Variants in ERICH3 observed in about 807,000 individuals in gnomAD.
The protein encoded by ERICH3 is glutamate-rich protein 3.
ERICH3 carries 126 observed loss-of-function variants against 131.1 expected under a neutral mutation model. The ratio of observed to expected loss-of-function variants is 0.96; its 90% confidence interval spans 0.83 to 1.11. ERICH3 has a LOEUF of 1.11. Among genes scored for constraint, ERICH3 ranks in the 50% most tolerant of loss-of-function variants. The pLI, the probability that ERICH3 is intolerant of heterozygous loss-of-function variation, is 0.00. For synonymous variants in ERICH3, 695 were observed against 644.6 expected, an observed-to-expected ratio of 1.08 and a Z score of -1.18; for missense variants, 2,050 against 1,810.7, an observed-to-expected ratio of 1.13 and a Z score of -2.40.
intron 12 of ERICH3, chr1:74,578,726 C>T (rs1410731765): frequency 2.7e-5 from 4 of 149,022 alleles, no homozygotes; most frequent in Non-Finnish European, 5.9e-5. Context: ...CCTTCCTCCT[C>T]CCCCGATATT....
At position 74,572,055 on chromosome 1, in the gene ERICH3, G is replaced by C; in HGVS notation, c.3655C>G (p.Pro1219Ala). ...RQDGEGALAA[P>A]EAEPAGKVQA... ...ACCTTTCCTGCTGGCTCAGCTTCAGGAGCTGCTAAGGCCCCCTCTCCATCT... is the reference window on the plus strand; with the variant it reads ...ACCTTTCCTGCTGGCTCAGCTTCAGCAGCTGCTAAGGCCCCCTCTCCATCT... Residue 1219 changes from proline (P) to alanine (A), a missense_variant, in exon 14 of 15, where the codon CCT (proline) becomes GCT (alanine). Coordinates refer to ENST00000326665, the MANE Select transcript of ERICH3 (RefSeq NM_001002912.5). The C allele has an allele frequency of 6.2e-7, 1 of 1,614,154 alleles. No homozygotes were observed. The highest frequency in any genetic ancestry group is 8.5e-7 in the Non-Finnish European group (1 of 1,180,034).
rs1224045753 is a variant in ERICH3 at position 74,587,417 on chromosome 1, C to T, written c.2176+2214G>A. ...TGAATCCACCTTAATAAAAAGATAA[C>T]AAAATGTTTTAAAATTATAGATGTT... On this transcript the variant is annotated intron_variant, in intron 12 of 14. Coordinates refer to ENST00000326665, the MANE Select transcript of ERICH3 (RefSeq NM_001002912.5). Among the ~76,000 whole-genome samples the T allele has an allele frequency of 3.4e-5, 5 of 147,396 alleles. No homozygotes were observed. The East Asian group carries it at 1.0e-3, about 30-fold the overall frequency.
At chr1:74,584,369 C>T (rs1449329275) in intron 12 of ERICH3, among the ~76,000 whole-genome samples, 1 of 152,212 alleles carries the variant, frequency 6.6e-6, no homozygotes, top group South Asian at 2.1e-4. Flanking sequence ...TAAATTCCTC[C>T]CCATGACCTA....
chr1:74,649,699 C>G (rs1196435504), intron 1 of ERICH3, among the ~76,000 whole-genome samples: 1 of 152,156 alleles, frequency 6.6e-6, no homozygotes, highest in Non-Finnish European at 1.5e-5. Context: ...TCAGCAGATT[C>G]TTCCAGCGTC....
At position 74,572,090 on chromosome 1, in the gene ERICH3, C is replaced by A; in HGVS notation, c.3620G>T (p.Gly1207Val). 3 of 1,614,222 alleles carry A rather than the reference C, an allele frequency of 1.9e-6. No homozygotes were observed. The highest frequency in any genetic ancestry group is 2.5e-6 in the Non-Finnish European group (3 of 1,180,034). ...GGCCCCCTCTCCATCTTGGCGGTGC[C>A]CTTCCTTCAGGGCCCTATTCTCCCT... ...SSRENRALKE[G>V]HRQDGEGALA... The change falls in exon 14 of 15, where the codon GGG becomes GTG. Residue 1207 changes from glycine to valine, a missense_variant. Gly to Val is a moderately radical substitution (Grantham distance 109). Coordinates refer to ENST00000326665, the MANE Select transcript of ERICH3 (RefSeq NM_001002912.5).
Position 74,599,351 on chromosome 1 carries a change from C to T in ERICH3, c.1726+344G>A, listed in dbSNP as rs77311196. Among the ~76,000 whole-genome samples, 1,023 of 151,946 alleles carry T rather than the reference C, an allele frequency of 6.7e-3. 14 individuals are homozygous for T. Among genetic ancestry groups the T allele is most frequent in the African/African-American group, 0.023 (975 of 41,494 alleles). ...TGTGAAGGTAACAAATTACCTCATA[C>T]TGTCATGAGTGGGAGCTAAATGATG... On this transcript the variant is annotated intron_variant, in intron 11 of 14. Transcript: ENST00000326665.
intron 2 of ERICH3, among the ~76,000 whole-genome samples, chr1:74,648,089 G>T (rs1433296734): frequency 6.6e-6 from 1 of 152,068 alleles, no homozygotes; most frequent in Non-Finnish European, 1.5e-5. Context: ...TAGGGTTTCT[G>T]GGTGACCCTG....
intron 13 of ERICH3, among the ~76,000 whole-genome samples, chr1:74,574,528 A>G (rs1469963659): frequency 6.6e-6 from 1 of 152,194 alleles, no homozygotes; most frequent in African/African-American, 2.4e-5. Flanking sequence ...ACCAATTTGC[A>G]TTACCTCTCA....
At chr1:74,617,739 G>A (rs1210420488) in intron 8 of ERICH3, among the ~76,000 whole-genome samples, 2 of 152,208 alleles carry the variant, frequency 1.3e-5, no homozygotes, top group African/African-American at 4.8e-5. Context: ...TGAAGTGCTG[G>A]AGATGTCCTA....
intron 12 of ERICH3, chr1:74,589,252 A>T (rs893485442): frequency 6.5e-6 from 2 of 309,352 alleles, no homozygotes; most frequent in Non-Finnish European, 1.2e-5. Context: ...TTAGCTATAT[A>T]TCTGAAACTC....
chr1:74,665,203 A>G (rs1646678688), intron 1 of ERICH3, among the ~76,000 whole-genome samples: 2 of 139,974 alleles, frequency 1.4e-5, no homozygotes, highest in African/African-American at 6.2e-5. Flanking sequence ...ACAGAGCAAG[A>G]CTCCGTCTCA....
At chr1:74,585,517 TA>T (rs1377901198) in intron 12 of ERICH3, among the ~76,000 whole-genome samples, 1 of 152,168 alleles carries the variant, frequency 6.6e-6, no homozygotes, top group Non-Finnish European at 1.5e-5. Context: ...TGATCTCAAG[TA>T]AAAACAATTC....
At chr1:74,631,484 C>G (rs1252623065) in intron 7 of ERICH3, among the ~76,000 whole-genome samples, 1 of 152,044 alleles carries the variant, frequency 6.6e-6, no homozygotes, top group Non-Finnish European at 1.5e-5. Flanking sequence ...AATTTGACCA[C>G]AAGAATTGTT....
intron 10 of ERICH3, 68 bp downstream of exon 10, chr1:74,606,533 A>ATCATC: frequency 6.8e-7 from 1 of 1,471,486 alleles, no homozygotes; most frequent in Non-Finnish European, 9.2e-7. Flanking sequence ...GAAAATTTTG[A>ATCATC]TCATCACATT....
chr1:74,589,324 T>A (rs1424861830), intron 12 of ERICH3: 3 of 488,226 alleles, frequency 6.1e-6, no homozygotes, highest in South Asian at 4.7e-5. Flanking sequence ...GCCACACACA[T>A]CCTTGCCTTC....
intron 12 of ERICH3, 162 bp downstream of exon 12, chr1:74,589,469 A>G: frequency 1.4e-6 from 1 of 703,596 alleles, no homozygotes; most frequent in Non-Finnish European, 2.4e-6. Context: ...AGCAAACTGA[A>G]AATACATGTA....
chr1:74,623,115 A>G (rs1048395350), intron 7 of ERICH3: 5 of 152,230 alleles, frequency 3.3e-5, no homozygotes, highest in African/African-American at 9.6e-5. Flanking sequence ...CCTTTCTGCT[A>G]TCCTCAAGTA....
At chr1:74,632,836 A>T (rs1557692888) in intron 6 of ERICH3, among the ~76,000 whole-genome samples, 1 of 151,952 alleles carries the variant, frequency 6.6e-6, no homozygotes, top group Non-Finnish European at 1.5e-5. Context: ...TTAGGGATAT[A>T]CCTTCATATT....
At chr1:74,605,440 C>T (rs1393482678) in intron 10 of ERICH3, among the ~76,000 whole-genome samples, 1 of 151,868 alleles carries the variant, frequency 6.6e-6, no homozygotes, top group African/African-American at 2.4e-5. Context: ...CTGCTTGGCA[C>T]AAGTGGCCTA....
Sources: allele counts gnomAD v4.1 joint callset (sites outside exome capture counted in the v4.1 genomes callset), GRCh38; gene constraint gnomAD v4.1.1; transcripts MANE v1.5; gene names NCBI Gene and HGNC (gene_info 2026-07-23, HGNC 2026-07-21).